The following ZFAT variants were observed in gnomAD, a reference collection of about 807,000 sequenced individuals.
ZFAT encodes the protein zinc finger and AT-hook domain containing.
A neutral mutation model predicts 117.7 loss-of-function variants in ZFAT; 64 were observed. The observed-to-expected ratio is 0.54, with a 90% CI of 0.44 to 0.67. The LOEUF is 0.67. Among genes scored for constraint, ZFAT ranks in the 30% least tolerant of loss-of-function variants. ZFAT has a pLI of 0.00. For synonymous variants in ZFAT, 679 were observed against 615.0 expected (o/e 1.10, Z -1.54); for missense variants, 1,433 against 1,584.5 (o/e 0.90, Z 1.62).
rs369083970 is a variant in ZFAT, at chr8:134,478,452, G to A, written c.*30C>T. On this transcript the variant is annotated 3_prime_UTR_variant, in exon 16 of 16. Transcript: ENST00000377838. This position sits in a 1 kb window ranked among gnomAD's most constrained non-coding sequence, Gnocchi z 5.2. ...GGTGCCTGCAGAGCCTGGCAGCCCC[G>A]CCCTGTGGCCATCCGATGCCACATG... 52 of 1,545,010 alleles carry A rather than the reference G, an allele frequency of 3.4e-5. No homozygotes were observed. The highest frequency in any genetic ancestry group is 1.9e-4 in the African/African-American group (14 of 73,082).
the ZFAT span, among the ~76,000 whole-genome samples, chr8:134,789,006 T>A: frequency 2.0e-5 from 3 of 152,310 alleles, no homozygotes; most frequent in African/African-American, 7.2e-5. Flanking sequence ...ATTTTCAGCC[T>A]GATAAATTTT....
chr8:134,560,698 G>A (rs1236862403), intron 11 of ZFAT, among the ~76,000 whole-genome samples: 1 of 152,152 alleles, frequency 6.6e-6, no homozygotes, highest in African/African-American at 2.4e-5. Context: ...GAGTTGAATA[G>A]CTAGATGGAA....
the ZFAT span, among the ~76,000 whole-genome samples, chr8:134,798,611 T>A: frequency 6.6e-6 from 1 of 152,266 alleles, no homozygotes; most frequent in East Asian, 1.9e-4. Flanking sequence ...TAGTTTCATG[T>A]ATAGCTTCTT....
chr8:134,568,015 G>T (rs1824600189), intron 10 of ZFAT, among the ~76,000 whole-genome samples: 1 of 152,174 alleles, frequency 6.6e-6, no homozygotes, highest in Non-Finnish European at 1.5e-5. Context: ...AGCTGCCCAT[G>T]GGCAGGGACT....
intron 1 of ZFAT, among the ~76,000 whole-genome samples, chr8:134,679,528 G>A (rs947612052): frequency 2.0e-5 from 3 of 152,202 alleles, no homozygotes; most frequent in African/African-American, 7.2e-5. Context: ...AGACGGTGTG[G>A]CGATTCCTCA....
chr8:134,513,531 T>C (rs1257536670), intron 13 of ZFAT, among the ~76,000 whole-genome samples: 5 of 152,260 alleles, frequency 3.3e-5, no homozygotes, highest in African/African-American at 1.2e-4. Context: ...AAGAAATATA[T>C]TTGCACAAAA....
intron 15 of ZFAT, among the ~76,000 whole-genome samples, chr8:134,496,397 C>G (rs577178913): frequency 6.6e-6 from 1 of 152,356 alleles, no homozygotes; most frequent in South Asian, 2.1e-4. Flanking sequence ...TGGGGTGACT[C>G]CCATGAAACG....
At chr8:134,740,212 T>C in the ZFAT span, among the ~76,000 whole-genome samples, 11 of 152,338 alleles carry the variant, frequency 7.2e-5, no homozygotes, top group East Asian at 2.1e-3. Flanking sequence ...CCCATTCCCT[T>C]CTAGGAAGAG....
chr8:134,553,193 T>G (rs1022807479), intron 11 of ZFAT, among the ~76,000 whole-genome samples: 2 of 152,182 alleles, frequency 1.3e-5, no homozygotes, highest in Non-Finnish European at 2.9e-5. Flanking sequence ...TTAAGAACTC[T>G]GGGTGGGAGA....
intron 15 of ZFAT, among the ~76,000 whole-genome samples, chr8:134,489,528 A>G (rs1817904764): frequency 2.0e-5 from 3 of 151,888 alleles, no homozygotes; most frequent in African/African-American, 2.4e-5. Context: ...CCCACAGCAC[A>G]GCTCCCTCCT....
intron 15 of ZFAT, among the ~76,000 whole-genome samples, chr8:134,492,799 T>C (rs115710315): frequency 0.017 from 2,520 of 152,286 alleles, 73 homozygotes; most frequent in African/African-American, 0.058. Context: ...ACATCATAAA[T>C]TCCTAACTCC....
At chr8:134,700,378 C>T (rs1833977650) in intron 1 of ZFAT, among the ~76,000 whole-genome samples, 1 of 152,184 alleles carries the variant, frequency 6.6e-6, no homozygotes, top group Non-Finnish European at 1.5e-5. Flanking sequence ...GAGAGAAAGG[C>T]AGGCTAGATG....
the ZFAT span, among the ~76,000 whole-genome samples, chr8:134,832,131 G>A: frequency 7.1e-6 from 1 of 140,322 alleles, no homozygotes; most frequent in East Asian, 3.0e-4. Flanking sequence ...AGGGTGAGGG[G>A]CGCGCGAGGG....
intron 1 of ZFAT, among the ~76,000 whole-genome samples, chr8:134,685,141 T>C (rs1000616738): frequency 1.3e-5 from 2 of 152,130 alleles, no homozygotes; most frequent in Non-Finnish European, 2.9e-5. Context: ...AACAGCCCAG[T>C]ACATGGTGTC....
intron 2 of ZFAT, among the ~76,000 whole-genome samples, chr8:134,651,208 T>G (rs188429991): frequency 1.3e-5 from 2 of 152,258 alleles, no homozygotes; most frequent in African/African-American, 4.8e-5. Flanking sequence ...TGAAAACAAA[T>G]ATTCATGTGA....
chr8:134,658,603 A>G (rs1279991243), intron 1 of ZFAT, among the ~76,000 whole-genome samples: 3 of 152,236 alleles, frequency 2.0e-5, no homozygotes, highest in Admixed American at 2.0e-4. Flanking sequence ...ATCTCATTAT[A>G]CTAGGCAGGA....
chr8:134,744,918 A>T, the ZFAT span, among the ~76,000 whole-genome samples: 1 of 151,304 alleles, frequency 6.6e-6, no homozygotes, highest in African/African-American at 2.4e-5. Context: ...TTTAGTGGAG[A>T]TGGGGTTTCA....
At chr8:134,557,579 C>T (rs1048380196) in intron 11 of ZFAT, among the ~76,000 whole-genome samples, 1 of 152,150 alleles carries the variant, frequency 6.6e-6, no homozygotes, top group African/African-American at 2.4e-5. Context: ...ACTATAGTCA[C>T]ATTTTTTTCT....
chr8:134,617,195 G>C (rs1334689843), intron 3 of ZFAT, among the ~76,000 whole-genome samples: 5 of 152,140 alleles, frequency 3.3e-5, no homozygotes, highest in African/African-American at 1.2e-4. Flanking sequence ...CTCAGCATCT[G>C]GTGGTTCTAG....
Sources: gnomAD v4.1 joint callset for allele counts (sites outside exome capture counted in the v4.1 genomes callset) on GRCh38, gnomAD v4.1.1 for gene constraint, Gnocchi (gnomAD v3.1) non-coding constraint, MANE v1.5 for transcripts, NCBI Gene and HGNC (gene_info 2026-07-23, HGNC 2026-07-21) for gene names.